The following MYOF variants were observed in gnomAD, a reference collection of about 807,000 sequenced individuals.
MYOF encodes myoferlin, also known as fer-1-like 3, myoferlin.
MYOF carries 244 observed loss-of-function variants against 284.2 expected under a neutral mutation model. The ratio of observed to expected loss-of-function variants is 0.86; its 90% CI spans 0.77 to 0.95. The LOEUF (loss-of-function observed/expected upper bound fraction) is 0.95, where lower values mean the gene tolerates loss of function less well. Ranked by LOEUF, MYOF falls within the 40% of genes least tolerant of loss-of-function variation. The pLI is 0.00. For synonymous variants in MYOF, 904 were observed against 919.7 expected (o/e 0.98, Z 0.31); for missense variants, 2,496 against 2,560.6 (o/e 0.97, Z 0.54).
intron 43 of MYOF, among the ~76,000 whole-genome samples, chr10:93,330,721 T>C (rs559832879): frequency 6.6e-6 from 1 of 152,326 alleles, no homozygotes; most frequent in South Asian, 2.1e-4. Flanking sequence ...CCGGAGAAGG[T>C]GCTCAATATG....
chr10:93,323,476 A>C, intron 46 of MYOF, 118 bp from the exon 47 acceptor site: 1 of 922,914 alleles, frequency 1.1e-6, no homozygotes, highest in Non-Finnish European at 1.6e-6. Flanking sequence ...CTAATTTATT[A>C]GTCCACATGG....
At chr10:93,342,704 T>C (rs1308306016) in intron 38 of MYOF, among the ~76,000 whole-genome samples, 1 of 152,222 alleles carries the variant, frequency 6.6e-6, no homozygotes, top group Non-Finnish European at 1.5e-5. Context: ...ACTGAAGGCA[T>C]GTAATAAGAA....
At chr10:93,404,300 C>T in intron 7 of MYOF, 81 bp from the exon 8 acceptor site, 4 of 1,458,320 alleles carry the variant, frequency 2.7e-6, no homozygotes, top group Non-Finnish European at 3.8e-6. Flanking sequence ...TTTTGGGGGC[C>T]CTCCTAAAAA....
In MYOF at chr10:93,397,229, T is replaced by TA. The variant is rs1300583868; in HGVS notation, c.1334+17dup. 1 of 1,546,200 alleles carries TA rather than the reference T, an allele frequency of 6.5e-7. No individual in the cohort carries two copies. Among genetic ancestry groups the TA allele is most frequent in the Admixed American group, 1.7e-5 (1 of 58,894 alleles). ...TTTATTTTATGTTGAATTAGACACATACGTATTTTCAACTCACCAGTCATA... is the reference window on the plus strand; with the variant it reads ...TTTATTTTATGTTGAATTAGACACATAACGTATTTTCAACTCACCAGTCATA... On this transcript the variant is annotated intron_variant, in intron 15 of 53. Transcript: ENST00000359263.
chr10:93,380,124 T>C (rs1846045762), intron 20 of MYOF, 137 bp from the exon 21 acceptor site: 27 of 1,119,598 alleles, frequency 2.4e-5, no homozygotes, highest in Non-Finnish European at 3.3e-5. Flanking sequence ...GTTCTTTAAT[T>C]TGACTCAATT....
At chr10:93,355,391 C>T (rs943225653) in intron 31 of MYOF, among the ~76,000 whole-genome samples, 4 of 152,028 alleles carry the variant, frequency 2.6e-5, no homozygotes, top group Non-Finnish European at 4.4e-5. Context: ...GTCAGGAGGT[C>T]GAGACCAGCC....
At chr10:93,464,340 C>T (rs1266042077) in intron 1 of MYOF, among the ~76,000 whole-genome samples, 1 of 152,214 alleles carries the variant, frequency 6.6e-6, no homozygotes, top group Admixed American at 6.5e-5. Context: ...TAAAATCTCT[C>T]TTTCTGTCTC....
At chr10:93,461,054 C>G (rs576015295) in intron 1 of MYOF, among the ~76,000 whole-genome samples, 1 of 151,720 alleles carries the variant, frequency 6.6e-6, no homozygotes, top group Non-Finnish European at 1.5e-5. Flanking sequence ...TAGATCGCGC[C>G]ATTGCACTCC....
At position 93,374,772 on chromosome 10, in the gene MYOF, C is replaced by A. The variant is rs201628552; in HGVS notation, c.2292G>T (p.Leu764=). Residue 764 remains leucine (L), a synonymous_variant, in exon 23 of 54, where the codon CTG becomes CTT. Coordinates refer to ENST00000359263, the MANE Select transcript of MYOF (RefSeq NM_013451.4). ...AGTTTAAAAGTCCTACCTCTTCAGTCAGCTGCATTAATTTATCAAGCCAGT... is the reference window on the plus strand; with the variant it reads ...AGTTTAAAAGTCCTACCTCTTCAGTAAGCTGCATTAATTTATCAAGCCAGT... ...IEDWLDKLMQ[L]TEEPQNSMPD... 6.2e-6 allele frequency: 10 copies of A among 1,613,648 alleles called. No individual in the cohort carries two copies. In the African/African-American group the frequency reaches 1.2e-4, roughly 19 times the overall value.
chr10:93,464,929 T>C (rs2056968107), intron 1 of MYOF, among the ~76,000 whole-genome samples: 1 of 152,186 alleles, frequency 6.6e-6, no homozygotes. Context: ...CTCCTTTCTT[T>C]TGAGATATAT....
chr10:93,476,001 G>C (rs1008685429), intron 1 of MYOF, among the ~76,000 whole-genome samples: 26 of 152,202 alleles, frequency 1.7e-4, no homozygotes, highest in Admixed American at 6.5e-5. Flanking sequence ...TCTCCAGAAA[G>C]GGATGGGAAT....
intron 3 of MYOF, among the ~76,000 whole-genome samples, chr10:93,447,094 C>A (rs914189282): frequency 6.6e-6 from 1 of 152,114 alleles, no homozygotes; most frequent in Non-Finnish European, 1.5e-5. Flanking sequence ...TGCCCCTGAA[C>A]CTTAGAAGGA....
At chr10:93,397,502 T>A (rs754618609) in intron 13 of MYOF, 46 bp from the exon 14 acceptor site, 1 of 1,469,874 alleles carries the variant, frequency 6.8e-7, no homozygotes, top group Non-Finnish European at 9.3e-7. Context: ...AGTTTCTAAT[T>A]TCTAAAAGTT....
At chr10:93,427,772 T>C (rs1848663343) in intron 4 of MYOF, among the ~76,000 whole-genome samples, 1 of 152,088 alleles carries the variant, frequency 6.6e-6, no homozygotes, top group Non-Finnish European at 1.5e-5. Flanking sequence ...GGAAACATAC[T>C]AGTTCCTTAC....
intron 19 of MYOF, among the ~76,000 whole-genome samples, chr10:93,383,811 G>A (rs1318157891): frequency 6.6e-6 from 1 of 152,122 alleles, no homozygotes; most frequent in Non-Finnish European, 1.5e-5. Context: ...GTTAAGCCAG[G>A]GACTGCACAG....
rs781341952 is a variant in MYOF, at chr10:93,333,875, G to A, written c.4602C>T (p.Ser1534=). 5.5e-5 allele frequency: 89 copies of A among 1,613,924 alleles called. No homozygotes were observed. The highest frequency in any genetic ancestry group is 1.8e-4 in the South Asian group (16 of 91,072). The change falls in exon 42 of 54, where the codon AGC becomes AGT. Residue 1534 remains serine (S), a synonymous_variant. Coordinates refer to ENST00000359263, the MANE Select transcript of MYOF (RefSeq NM_013451.4). ...FRIYPLPDDP[S]VPAPPRQFRE... ...GAAACTGTCTGGGAGGGGCTGGCAC[G>A]CTGGGGTCATCCGGCAGAGGGTAGA...
intron 12 of MYOF, among the ~76,000 whole-genome samples, chr10:93,400,853 G>GTTTT (rs551007757): frequency 4.4e-5 from 5 of 113,944 alleles, no homozygotes; most frequent in African/African-American, 6.9e-5. Context: ...TGCTCAGCAT[G>GTTTT]TTTTTTTTTT....
rs760306736 is a variant in MYOF at position 93,351,816 on chromosome 10, C to A, written c.3512G>T (p.Arg1171Leu). The part of the protein sequence containing the change: ...DPYAHICFLH[R>L]SKTTEIIHST... ...ATGGATGATCTCAGTGGTTTTGCTC[C>A]GATGGAGGAAACAGATATGAGCATA... The change falls in exon 33 of 54, where the codon CGG becomes CTG. Residue 1171 changes from arginine (R) to leucine (L), a missense_variant. Arg to Leu is a moderately radical substitution (Grantham distance 102, BLOSUM62 -2). Transcript: ENST00000359263. 179 of 1,586,266 alleles carry A rather than the reference C, an allele frequency of 1.1e-4. No homozygotes were observed. Among genetic ancestry groups the A allele is most frequent in the Non-Finnish European group, 1.5e-4 (173 of 1,173,632 alleles).
At chr10:93,444,355 TAG>T (rs1589579516) in intron 3 of MYOF, among the ~76,000 whole-genome samples, 1 of 152,182 alleles carries the variant, frequency 6.6e-6, no homozygotes, top group African/African-American at 2.4e-5. Context: ...TACTATCCAG[TAG>T]AGAGAGAACA....
Sources: gnomAD v4.1 joint callset for allele counts (sites outside exome capture counted in the v4.1 genomes callset) on GRCh38, gnomAD v4.1.1 for gene constraint, MANE v1.5 for transcripts, NCBI Gene and HGNC (gene_info 2026-07-23, HGNC 2026-07-21) for gene names.